Variants in DSTYK observed in about 807,000 individuals in gnomAD.
DSTYK encodes the protein dual serine/threonine and tyrosine protein kinase, also known as RIP-homologous kinase.
DSTYK carries 34 observed loss-of-function variants against 98.7 expected under a neutral mutation model. The ratio of observed to expected loss-of-function variants is 0.34; its 90% CI spans 0.26 to 0.46. The LOEUF (loss-of-function observed/expected upper bound fraction) is 0.46. DSTYK is among the 20% of genes least tolerant of loss of function. DSTYK has a pLI of 1.00. For missense variants in DSTYK, 962 were observed against 1,181.7 expected (o/e 0.81, Z 2.73); for synonymous variants, 462 against 457.3 (o/e 1.01, Z -0.13).
Position 205,211,426 on chromosome 1 carries a change from T to C in DSTYK, c.110A>G (p.Tyr37Cys). Residue 37 changes from tyrosine to cysteine, a missense_variant, in exon 1 of 13, where the codon TAC (tyrosine) becomes TGC (cysteine). By Grantham distance (194) the Tyr-to-Cys change is radical (BLOSUM62 -2). Around this residue, in one of 4 missense-constraint regions of DSTYK, gnomAD observed 168 missense variants for 120.0 expected, o/e 1.40. Coordinates refer to ENST00000367162, the MANE Select transcript of DSTYK (RefSeq NM_015375.3). ...LCRGFGRYRR[Y>C]LGRLRQNLRE... is the part of the protein sequence containing the mutation. ...CAGGTTCTGTCGCAGCCGTCCCAGG[T>C]AGCGGCGGTAGCGGCCGAAGCCCCG... is the stretch of plus-strand genomic sequence containing the variant. 3.7e-6 allele frequency: 6 copies of C among 1,606,300 alleles called. No homozygotes were observed. The highest frequency in any genetic ancestry group is 5.1e-6 in the Non-Finnish European group (6 of 1,178,274).
At chr1:205,195,879 C>T (rs1187570401) in intron 1 of DSTYK, among the ~76,000 whole-genome samples, 3 of 152,204 alleles carry the variant, frequency 2.0e-5, no homozygotes, top group Non-Finnish European at 4.4e-5. Flanking sequence ...ACTGGTCACA[C>T]TACCGAGGGA....
chr1:205,161,583 C>T (rs953198379), intron 6 of DSTYK, among the ~76,000 whole-genome samples, 196 bp from the exon 7 acceptor site: 1 of 152,202 alleles, frequency 6.6e-6, no homozygotes, highest in Non-Finnish European at 1.5e-5. Flanking sequence ...TGGATGCATA[C>T]TCACATCTAT....
Position 205,159,665 on chromosome 1 carries a change from T to C in DSTYK, c.2120A>G (p.His707Arg). The C allele has an allele frequency of 6.2e-7, 1 of 1,613,552 alleles. No individual in the cohort carries two copies. Among genetic ancestry groups the C allele is most frequent in the Non-Finnish European group, 8.5e-7 (1 of 1,179,976 alleles). ...EFHYMRSLPK[H>R]ERLVDLHGSV... is the part of the protein sequence containing the mutation. Reference sequence around the variant, plus strand: ...ACCATGGAGATCCACCAATCGCTCATGCTTCGGCAGAGACCTGGAGGGAAG... The same window carrying C: ...ACCATGGAGATCCACCAATCGCTCACGCTTCGGCAGAGACCTGGAGGGAAG... Residue 707 changes from histidine (H) to arginine (R), a missense_variant, in exon 9 of 13, where the codon CAT becomes CGT. Transcript: ENST00000367162.
At chr1:205,210,601 T>C (rs541118609) in intron 1 of DSTYK, among the ~76,000 whole-genome samples, 1 of 152,180 alleles carries the variant, frequency 6.6e-6, no homozygotes, top group South Asian at 2.1e-4. Flanking sequence ...AGAACAAGAG[T>C]AGCTAGTTCT....
chr1:205,176,719 A>AG (rs1222540537), intron 2 of DSTYK, among the ~76,000 whole-genome samples: 2 of 151,916 alleles, frequency 1.3e-5, no homozygotes, highest in Non-Finnish European at 2.9e-5. Flanking sequence ...CTAGGATTAT[A>AG]GGCATGTGCC....
chr1:205,159,380 T>A (rs1657650069), intron 9 of DSTYK, among the ~76,000 whole-genome samples, 167 bp downstream of exon 9: 1 of 152,214 alleles, frequency 6.6e-6, no homozygotes, highest in South Asian at 2.1e-4. Context: ...TGAGCCACCA[T>A]GCCCAGCTGA....
chr1:205,175,704 A>C (rs776914651), intron 2 of DSTYK, among the ~76,000 whole-genome samples: 6 of 152,170 alleles, frequency 3.9e-5, no homozygotes, highest in Non-Finnish European at 7.4e-5. Context: ...AAATTAATAT[A>C]AAGAGGATGA....
chr1:205,209,539 G>GTT (rs1329667221), intron 1 of DSTYK, among the ~76,000 whole-genome samples: 16 of 49,066 alleles, frequency 3.3e-4, no homozygotes, highest in East Asian at 8.8e-4. Context: ...CTAAGATCAT[G>GTT]ACAGGGTCCT....
chr1:205,198,282 T>A (rs2102470308), intron 1 of DSTYK, among the ~76,000 whole-genome samples: 1 of 152,342 alleles, frequency 6.6e-6, no homozygotes, highest in East Asian at 1.9e-4. Context: ...TTATGTTTAT[T>A]AGTGGTAGAG....
At chr1:205,205,921 A>G (rs1274540094) in intron 1 of DSTYK, among the ~76,000 whole-genome samples, 1 of 152,266 alleles carries the variant, frequency 6.6e-6, no homozygotes, top group Non-Finnish European at 1.5e-5. Flanking sequence ...TAAAATGCTT[A>G]TAACCTCCCT....
At chr1:205,168,411 T>A (rs985005111) in intron 3 of DSTYK, among the ~76,000 whole-genome samples, 1 of 152,170 alleles carries the variant, frequency 6.6e-6, no homozygotes, top group South Asian at 2.1e-4. Flanking sequence ...GGTTATTTTT[T>A]AAAAATACTG....
intron 1 of DSTYK, among the ~76,000 whole-genome samples, chr1:205,193,775 G>A (rs1658780330): frequency 6.6e-6 from 1 of 151,888 alleles, no homozygotes; most frequent in South Asian, 2.1e-4. Flanking sequence ...GGAGGCTAAG[G>A]CAGGAGAATC....
chr1:205,194,098 A>G (rs1056056011), intron 1 of DSTYK, among the ~76,000 whole-genome samples: 2 of 152,218 alleles, frequency 1.3e-5, no homozygotes, highest in Non-Finnish European at 2.9e-5. Flanking sequence ...CTACTGTCCA[A>G]TCACTTTCTA....
At chr1:205,178,304 G>A (rs1406317000) in intron 2 of DSTYK, among the ~76,000 whole-genome samples, 1 of 151,890 alleles carries the variant, frequency 6.6e-6, no homozygotes, top group African/African-American at 2.4e-5. Context: ...TTAGGTAACC[G>A]ACAAGTTGAT....
intron 3 of DSTYK, among the ~76,000 whole-genome samples, chr1:205,166,089 T>C (rs1657880982): frequency 6.6e-6 from 1 of 151,786 alleles, no homozygotes; most frequent in South Asian, 2.1e-4. Flanking sequence ...AATGAGAGAA[T>C]AGTTCAATAA....
chr1:205,161,390 G>A lies in DSTYK; in HGVS notation c.1819-3C>T, dbSNP rs367692056. On this transcript the variant is annotated splice_region_variant and splice_polypyrimidine_tract_variant and intron_variant, in intron 6 of 12. Transcript: ENST00000367162. ...CGGCCTGAGTGGCCAGCTTCCAGCT[G>A]GGAGAGAAACAGAAAAAGTACATAT... 2.1e-4 allele frequency: 333 copies of A among 1,614,000 alleles called. 2 individuals are homozygous for A. In the Middle Eastern group the frequency reaches 3.5e-3, roughly 17 times the overall value.
Position 205,209,516 on chromosome 1 carries a change from T to C in DSTYK, c.265+1755A>G, listed in dbSNP as rs562859940. ...AACTAGTCATCCCCAGAAATGGTGATAAAAATAAGATACTAAGATCATGAC... is the reference window on the plus strand; with the variant it reads ...AACTAGTCATCCCCAGAAATGGTGACAAAAATAAGATACTAAGATCATGAC... On this transcript the variant is annotated intron_variant, in intron 1 of 12. Transcript: ENST00000367162. Among the ~76,000 whole-genome samples, 134 of 149,068 alleles carry C rather than the reference T, an allele frequency of 9.0e-4. 1 individual carries two copies. The highest frequency in any genetic ancestry group is 1.6e-3 in the Non-Finnish European group (107 of 66,612).
chr1:205,204,565 T>A (rs1414797969), intron 1 of DSTYK, among the ~76,000 whole-genome samples: 1 of 152,210 alleles, frequency 6.6e-6, no homozygotes, highest in Non-Finnish European at 1.5e-5. Flanking sequence ...CACAACTTTG[T>A]AAGGCAGGTA....
intron 2 of DSTYK, among the ~76,000 whole-genome samples, chr1:205,179,493 C>T (rs1385888209): frequency 6.6e-6 from 1 of 151,762 alleles, no homozygotes; most frequent in Non-Finnish European, 1.5e-5. Context: ...TGGTGGTGGG[C>T]ACCTGTAGTC....
Sources: allele counts gnomAD v4.1 joint callset (sites outside exome capture counted in the v4.1 genomes callset), GRCh38; gene constraint gnomAD v4.1.1; regional missense constraint gnomAD v4.1.1; transcripts MANE v1.5; gene names NCBI Gene and HGNC (gene_info 2026-07-23, HGNC 2026-07-21).